Variants in KCNB2 observed in about 807,000 individuals in gnomAD.
KCNB2 encodes the protein potassium voltage-gated channel subfamily B member 2.
In KCNB2, 15 loss-of-function variants were observed where a neutral mutation model predicts 61.5. The observed-to-expected ratio is 0.24, with a 90% CI of 0.16 to 0.38. The LOEUF (loss-of-function observed/expected upper bound fraction) is 0.38. Among genes scored for constraint, KCNB2 ranks in the 10% least tolerant of loss-of-function variants. The probability of loss-of-function intolerance (pLI) is 1.00; values close to 1 mark genes in which losing one functional copy is unlikely to be tolerated. For missense variants in KCNB2, 828 were observed against 1,125.2 expected (o/e 0.74, Z 3.78); for synonymous variants, 457 against 446.0 (o/e 1.02, Z -0.31).
At chr8:72,867,001 C>T (rs919109258) in intron 2 of KCNB2, among the ~76,000 whole-genome samples, 1 of 152,204 alleles carries the variant, frequency 6.6e-6, no homozygotes, top group Non-Finnish European at 1.5e-5. Flanking sequence ...CCCTTGAGGA[C>T]AGGGACTATG....
chr8:72,924,329 G>A lies in KCNB2; in HGVS notation c.580-11606G>A, dbSNP rs570194702. Among the ~76,000 whole-genome samples the A allele has an allele frequency of 1.0e-4, 15 of 149,580 alleles. No individual in the cohort carries two copies. The South Asian group carries it at 2.6e-3, about 26-fold the overall frequency. ...CTGTCCCCAGAACTGAGATCCGCTG[G>A]TTTAAACTGTATGGGAGAACCTCCA... On this transcript the variant is annotated intron_variant, in intron 2 of 2. Coordinates refer to ENST00000523207, the MANE Select transcript of KCNB2 (RefSeq NM_004770.3).
rs148180284 is a variant in KCNB2, at chr8:72,707,394, G to C, written c.579+139081G>C. On this transcript the variant is annotated intron_variant, in intron 2 of 2. Coordinates refer to ENST00000523207, the MANE Select transcript of KCNB2 (RefSeq NM_004770.3). ...AACCTCCTAATTGTCCCCATATTTC[G>C]CTTCTCCTTTAACGACCTGATCATT... Among the ~76,000 whole-genome samples the C allele has an allele frequency of 1.9e-3, 296 of 152,208 alleles. 3 individuals are homozygous for C. The highest frequency in any genetic ancestry group is 6.6e-3 in the African/African-American group (276 of 41,524).
intron 2 of KCNB2, among the ~76,000 whole-genome samples, chr8:72,636,955 A>G (rs1805975129): frequency 6.6e-6 from 1 of 152,150 alleles, no homozygotes; most frequent in African/African-American, 2.4e-5. Flanking sequence ...AGGCAGCCCC[A>G]CAGTTTTGTT....
chr8:72,730,782 A>G (rs1349969476), intron 2 of KCNB2, among the ~76,000 whole-genome samples: 1 of 152,212 alleles, frequency 6.6e-6, no homozygotes, highest in African/African-American at 2.4e-5. Flanking sequence ...ATTAAGCCCA[A>G]TGTTGAACTA....
In KCNB2 at chr8:72,537,734, C is replaced by T. The variant is rs1806135794; in HGVS notation, c.-245C>T. The T allele has an allele frequency of 6.6e-6, 1 of 152,416 alleles. No homozygotes were observed. Among genetic ancestry groups the T allele is most frequent in the Non-Finnish European group, 1.5e-5 (1 of 68,330 alleles). 9.4% of individuals were successfully genotyped at this position (152,416 alleles called of 1,614,324 possible). Reference sequence around the variant, plus strand: ...GCTCCAGCCAGCCGGGGAGACCCTCCTCTCTGTGGAGGGGAGGGGGATTTC... The same window carrying T: ...GCTCCAGCCAGCCGGGGAGACCCTCTTCTCTGTGGAGGGGAGGGGGATTTC... On this transcript the variant is annotated 5_prime_UTR_variant, in exon 1 of 3. Coordinates refer to ENST00000523207, the MANE Select transcript of KCNB2 (RefSeq NM_004770.3).
At chr8:72,641,974 C>T (rs1361243756) in intron 2 of KCNB2, among the ~76,000 whole-genome samples, 2 of 152,164 alleles carry the variant, frequency 1.3e-5, no homozygotes, top group Admixed American at 6.6e-5. Flanking sequence ...TTGTCAACTA[C>T]TTATTAAACA....
In KCNB2 at chr8:72,778,928, G is replaced by A. The variant is rs151323454; in HGVS notation, c.580-157007G>A. ...AAGCCAAGTATAGCATTTGGCTGGC[G>A]TGTTCTCTTTTAAACATAGCTGCCA... On this transcript the variant is annotated intron_variant, in intron 2 of 2. Coordinates refer to ENST00000523207, the MANE Select transcript of KCNB2 (RefSeq NM_004770.3). Among the ~76,000 whole-genome samples, 114 of 152,020 alleles carry A rather than the reference G, an allele frequency of 7.5e-4. 1 individual carries two copies. The highest frequency in any genetic ancestry group is 2.5e-3 in the African/African-American group (103 of 41,446).
At chr8:72,575,792 A>C (rs1171476168) in intron 2 of KCNB2, among the ~76,000 whole-genome samples, 1 of 152,246 alleles carries the variant, frequency 6.6e-6, no homozygotes, top group African/African-American at 2.4e-5. Flanking sequence ...ATTTTAAATC[A>C]TCACAGTAAC....
chr8:72,576,602 C>A (rs1438245566), intron 2 of KCNB2, among the ~76,000 whole-genome samples: 1 of 152,180 alleles, frequency 6.6e-6, no homozygotes, highest in Non-Finnish European at 1.5e-5. Flanking sequence ...CCCTCTGCAG[C>A]AGGACAGAGA....
chr8:72,686,382 C>G (rs1341949181), intron 2 of KCNB2, among the ~76,000 whole-genome samples: 1 of 152,048 alleles, frequency 6.6e-6, no homozygotes, highest in East Asian at 1.9e-4. Flanking sequence ...AGGTCTTGCT[C>G]TGTTGCCCAG....
chr8:72,872,028 T>A (rs1805626736), intron 2 of KCNB2, among the ~76,000 whole-genome samples: 1 of 152,194 alleles, frequency 6.6e-6, no homozygotes, highest in Non-Finnish European at 1.5e-5. Flanking sequence ...CAGTTCTTCA[T>A]GCTCTTTTCT....
chr8:72,602,527 A>G (rs905071115), intron 2 of KCNB2, among the ~76,000 whole-genome samples: 3 of 152,120 alleles, frequency 2.0e-5, no homozygotes, highest in African/African-American at 7.2e-5. Flanking sequence ...CTACCTTATT[A>G]TATAGGCAGA....
chr8:72,684,856 T>C (rs1420304667), intron 2 of KCNB2, among the ~76,000 whole-genome samples: 1 of 152,236 alleles, frequency 6.6e-6, no homozygotes, highest in Non-Finnish European at 1.5e-5. Context: ...AGATTTATTT[T>C]ATGGGGTCCA....
intron 2 of KCNB2, among the ~76,000 whole-genome samples, chr8:72,728,317 T>G (rs1362873035): frequency 6.6e-6 from 1 of 152,218 alleles, no homozygotes; most frequent in Non-Finnish European, 1.5e-5. Flanking sequence ...GGTATGGCAC[T>G]CAGTTATTCC....
intron 2 of KCNB2, among the ~76,000 whole-genome samples, chr8:72,637,866 G>A (rs1007730581): frequency 1.2e-4 from 18 of 152,142 alleles, no homozygotes; most frequent in African/African-American, 4.3e-4. Flanking sequence ...CAGACAGGAA[G>A]GTAGTTGAGA....
chr8:72,625,941 TCAAAAAAA>T (rs1462970534), intron 2 of KCNB2, among the ~76,000 whole-genome samples: 3 of 151,510 alleles, frequency 2.0e-5, no homozygotes, highest in African/African-American at 7.3e-5. Flanking sequence ...TCTCACTATT[TCAAAAAAA>T]CAAAAAAAGA....
chr8:72,795,433 G>A (rs1464628234), intron 2 of KCNB2, among the ~76,000 whole-genome samples: 1 of 152,180 alleles, frequency 6.6e-6, no homozygotes. Flanking sequence ...TACTTTAAAA[G>A]TGCTACTGAA....
chr8:72,852,990 G>T (rs1349153303), intron 2 of KCNB2, among the ~76,000 whole-genome samples: 1 of 152,190 alleles, frequency 6.6e-6, no homozygotes, highest in Non-Finnish European at 1.5e-5. Flanking sequence ...CTCTTTTTCT[G>T]GAGGGGAGAG....
chr8:72,738,137 A>G (rs139410529), intron 2 of KCNB2, among the ~76,000 whole-genome samples: 1,928 of 152,258 alleles, frequency 0.013, 36 homozygotes, highest in African/African-American at 0.044. Context: ...TGGGTAGCCA[A>G]TGCTCTGTTA....
Sources: gnomAD v4.1 joint callset for allele counts (sites outside exome capture counted in the v4.1 genomes callset) on GRCh38, gnomAD v4.1.1 for gene constraint, MANE v1.5 for transcripts, NCBI Gene and HGNC (gene_info 2026-07-23, HGNC 2026-07-21) for gene names.